The following PPIA variants were observed in gnomAD, a reference collection of about 807,000 sequenced individuals.
PPIA encodes the protein peptidyl-prolyl cis-trans isomerase A.
In PPIA, 2 loss-of-function variants were observed where a neutral mutation model predicts 15.3. The ratio of observed to expected loss-of-function variants is 0.13; its 90% confidence interval spans 0.05 to 0.41. PPIA has a LOEUF of 0.41. Among genes scored for constraint, PPIA ranks in the 10% least tolerant of loss-of-function variants. The pLI is 0.99. For synonymous variants in PPIA, 67 were observed against 73.1 expected, an observed-to-expected ratio of 0.92 and a Z score of 0.43; for missense variants, 103 against 210.3, an observed-to-expected ratio of 0.49 and a Z score of 3.16.
At chr7:44,799,172 T>C (rs558618749) in intron 1 of PPIA, 75 bp from the exon 2 acceptor site, 1 of 1,463,482 alleles carries the variant, frequency 6.8e-7, no homozygotes. Flanking sequence ...AATTTATGAC[T>C]CAGAAGCCCC....
At position 44,802,873 on chromosome 7, in the gene PPIA, T is replaced by G. The variant is rs1792607931; in HGVS notation, c.*1451T>G. 1 of 152,208 alleles carries G rather than the reference T, an allele frequency of 6.6e-6. No homozygotes were observed. The highest frequency in any genetic ancestry group is 1.5e-5 in the Non-Finnish European group (1 of 68,046). The allele number at this position is 152,208 out of a possible 1,614,324, so 9.4% of individuals were successfully genotyped here. A position where few individuals can be genotyped will look rare whatever the true frequency, so the allele number is the denominator to read the frequency against. The stretch of plus-strand genomic sequence containing the variant: ...GCCCACCTTAACAGACCTCTAGGGT[T>G]CTTAACCCAGCAATCAAGTTTGCCT... On this transcript the variant is annotated 3_prime_UTR_variant, in exon 5 of 5. Transcript: ENST00000468812.
chr7:44,799,730 C>A lies in PPIA; in HGVS notation c.218C>A (p.Thr73Asn). ...QGGDFTRHNG[T>N]GGKSIYGEKF... ...GGTGACTTCACACGCCATAATGGCACTGGTGGCAAGTCCATCTATGGGGAG... is the reference window on the plus strand; with the variant it reads ...GGTGACTTCACACGCCATAATGGCAATGGTGGCAAGTCCATCTATGGGGAG... Residue 73 changes from threonine to asparagine, a missense_variant, in exon 4 of 5, where the codon ACT (threonine) becomes AAT (asparagine). Thr to Asn is a moderately conservative substitution (Grantham distance 65, BLOSUM62 0). Transcript: ENST00000468812. 1.9e-6 allele frequency: 3 copies of A among 1,613,984 alleles called. No homozygotes were observed. The highest frequency in any genetic ancestry group is 2.5e-6 in the Non-Finnish European group (3 of 1,179,894).
At chr7:44,796,956 C>T (rs1233331255) in intron 1 of PPIA, among the ~76,000 whole-genome samples, 163 bp downstream of exon 1, 1 of 151,714 alleles carries the variant, frequency 6.6e-6, no homozygotes, top group Non-Finnish European at 1.5e-5. Context: ...TTGGGAGGTC[C>T]GCGAGTCGCG....
At chr7:44,797,615 G>T (rs1202349765) in intron 1 of PPIA, among the ~76,000 whole-genome samples, 1 of 152,194 alleles carries the variant, frequency 6.6e-6, no homozygotes, top group African/African-American at 2.4e-5. Context: ...GGCCTCTTCC[G>T]ACCAAGGTGG....
At chr7:44,796,979 G>A (rs1792388372) in intron 1 of PPIA, among the ~76,000 whole-genome samples, 186 bp downstream of exon 1, 1 of 152,162 alleles carries the variant, frequency 6.6e-6, no homozygotes, top group Non-Finnish European at 1.5e-5. Flanking sequence ...GAGGAGGCCG[G>A]GACGGCGGCG....
At chr7:44,800,698 C>A (rs969126539) in intron 4 of PPIA, among the ~76,000 whole-genome samples, 4 of 152,098 alleles carry the variant, frequency 2.6e-5, no homozygotes, top group Admixed American at 6.6e-5. Context: ...CTGTGCCCAC[C>A]CAATTAAGTG....
intron 1 of PPIA, 30 bp from the exon 2 acceptor site, chr7:44,799,217 A>G (rs1381812311): frequency 6.2e-7 from 1 of 1,610,468 alleles, no homozygotes; most frequent in East Asian, 2.2e-5. Context: ...AAATAAGCAG[A>G]TGTTAATTAA....
At chr7:44,800,913 G>A (rs994768090) in intron 4 of PPIA, among the ~76,000 whole-genome samples, 5 of 152,020 alleles carry the variant, frequency 3.3e-5, no homozygotes, top group South Asian at 2.1e-4. Flanking sequence ...CGCCTCCCAG[G>A]TTCACGCCAT....
intron 1 of PPIA, chr7:44,798,236 A>T (rs1464183235): frequency 1.3e-5 from 2 of 152,244 alleles, no homozygotes; most frequent in Admixed American, 6.5e-5. Flanking sequence ...AAGACCATAC[A>T]TTCTAGGTAC....
rs1792456797 is a variant in PPIA at position 44,798,718 on chromosome 7, A to G, written c.70-529A>G. On this transcript the variant is annotated intron_variant, in intron 1 of 4. Transcript: ENST00000468812. ...AGGTTCAAAACCAGATATACTAGAA[A>G]CCAATCTTTATTTTTTACCCCACTA... 5.1e-6 allele frequency: 5 copies of G among 983,972 alleles called. No homozygotes were observed. The African/African-American group carries it at 7.0e-5, about 14-fold the overall frequency. The allele number at this position is 983,972 out of a possible 1,614,324, so 61.0% of individuals were successfully genotyped here.
chr7:44,797,460 G>C (rs1347080811), intron 1 of PPIA, among the ~76,000 whole-genome samples: 1 of 152,138 alleles, frequency 6.6e-6, no homozygotes, highest in Non-Finnish European at 1.5e-5. Context: ...CCACCCCCAA[G>C]CGGAAATGTG....
intron 4 of PPIA, among the ~76,000 whole-genome samples, chr7:44,801,084 T>A (rs572821127): frequency 3.2e-4 from 48 of 152,082 alleles, no homozygotes; most frequent in Non-Finnish European, 5.7e-4. Flanking sequence ...CCCAAAGTGC[T>A]GGGATTACAG....
Position 44,796,862 on chromosome 7 carries a change from C to T in PPIA, c.69+69C>T. On this transcript the variant is annotated intron_variant, in intron 1 of 4. Transcript: ENST00000468812. ...GCCGGGGTCGGGGTGGGTGGTAGCG[C>T]CCCAAAGGCCCGGGCGCGGGGCGAC... 4 of 1,493,794 alleles carry T rather than the reference C, an allele frequency of 2.7e-6. No homozygotes were observed. The South Asian group carries it at 4.9e-5, about 18-fold the overall frequency. 92.5% of individuals were successfully genotyped at this position (1,493,794 alleles called of 1,614,324 possible).
At chr7:44,799,368 T>C (rs1792477948) in intron 2 of PPIA, 24 bp from the exon 3 acceptor site, 1 of 1,607,028 alleles carries the variant, frequency 6.2e-7, no homozygotes. Context: ...TATGTATATA[T>C]GTGTTTAATT....
intron 4 of PPIA, among the ~76,000 whole-genome samples, chr7:44,800,912 G>T (rs369986305): frequency 1.3e-5 from 2 of 152,170 alleles, no homozygotes; most frequent in Admixed American, 1.3e-4. Flanking sequence ...CCGCCTCCCA[G>T]GTTCACGCCA....
intron 1 of PPIA, chr7:44,798,812 G>T (rs1026889368): frequency 5.7e-5 from 57 of 995,686 alleles, no homozygotes; most frequent in Non-Finnish European, 6.7e-5. Flanking sequence ...TAACAGATTG[G>T]AGGTAGTAGC....
chr7:44,798,658 A>G (rs1583689946), intron 1 of PPIA: 1 of 813,286 alleles, frequency 1.2e-6, no homozygotes, highest in African/African-American at 1.9e-5. Context: ...TATTTAAGCT[A>G]CCTCTCTAGC....
intron 1 of PPIA, chr7:44,798,923 T>G: frequency 9.2e-7 from 1 of 1,089,790 alleles, no homozygotes; most frequent in Non-Finnish European, 1.1e-6. Context: ...TAGCTCAAGT[T>G]GGGGGGTGGT....
intron 4 of PPIA, 184 bp downstream of exon 4, chr7:44,800,058 G>A: frequency 3.0e-6 from 2 of 668,404 alleles, no homozygotes; most frequent in Non-Finnish European, 4.9e-6. Flanking sequence ...CAGATACTAT[G>A]ATAGAAACTT....
Sources: gnomAD v4.1 joint callset for allele counts (sites outside exome capture counted in the v4.1 genomes callset) on GRCh38, gnomAD v4.1.1 for gene constraint, MANE v1.5 for transcripts, NCBI Gene and HGNC (gene_info 2026-07-23, HGNC 2026-07-21) for gene names.